GSG1L: variants seen among roughly 807,000 people sequenced by gnomAD.
GSG1L encodes the protein germ cell-specific gene 1-like protein.
In GSG1L, 24 loss-of-function variants were observed where a neutral mutation model predicts 42.1. That is an observed-to-expected ratio of 0.57 (90% confidence interval 0.41 to 0.80). The LOEUF (loss-of-function observed/expected upper bound fraction) is 0.80. Ranked by LOEUF, GSG1L falls within the 30% of genes least tolerant of loss-of-function variation. GSG1L has a pLI of 0.00. For missense variants in GSG1L, 445 were observed against 472.2 expected, an observed-to-expected ratio of 0.94 and a Z score of 0.53; for synonymous variants, 215 against 203.5, an observed-to-expected ratio of 1.06 and a Z score of -0.48.
intron 6 of GSG1L, among the ~76,000 whole-genome samples, chr16:27,791,824 C>G (rs535197419): frequency 1.3e-5 from 2 of 152,064 alleles, no homozygotes; most frequent in African/African-American, 2.4e-5. Context: ...AACAGGTGCA[C>G]CACTCCCCCA....
At chr16:27,858,152 T>A (rs1442787023) in intron 3 of GSG1L, among the ~76,000 whole-genome samples, 1 of 152,192 alleles carries the variant, frequency 6.6e-6, no homozygotes, top group Non-Finnish European at 1.5e-5. Context: ...TGGGACTCCA[T>A]CCAATTAGTT....
intron 3 of GSG1L, among the ~76,000 whole-genome samples, chr16:27,872,685 A>C (rs2083837190): frequency 6.6e-6 from 1 of 152,144 alleles, no homozygotes; most frequent in Admixed American, 6.5e-5. Context: ...ATGGTGACAA[A>C]AGTGCCCTCT....
intron 1 of GSG1L, among the ~76,000 whole-genome samples, chr16:28,036,836 C>T (rs990666031): frequency 2.0e-5 from 3 of 152,126 alleles, no homozygotes; most frequent in African/African-American, 7.2e-5. Flanking sequence ...AACACAGCTC[C>T]CAGATGTCCC....
At chr16:27,916,686 C>T (rs558071636) in intron 2 of GSG1L, among the ~76,000 whole-genome samples, 5 of 152,188 alleles carry the variant, frequency 3.3e-5, no homozygotes, top group Non-Finnish European at 5.9e-5. Context: ...CCATCTCAGG[C>T]TCTGTTCCCA....
At position 28,025,849 on chromosome 16, in the gene GSG1L, C is replaced by T. The variant is rs1359409703; in HGVS notation, c.349+37227G>A. 5.3e-5 allele frequency among the ~76,000 whole-genome samples: 8 copies of T among 152,312 alleles called. No homozygotes were observed. In the East Asian group the frequency reaches 1.5e-3, roughly 29 times the overall value. Reference sequence around the variant, plus strand: ...ATCCTGATGGCCCCAGGGACTGCAACAGAAGTGAAATGTGACCCAGAGCCC... The same window carrying T: ...ATCCTGATGGCCCCAGGGACTGCAATAGAAGTGAAATGTGACCCAGAGCCC... On this transcript the variant is annotated intron_variant, in intron 1 of 6. Transcript: ENST00000447459.
At chr16:28,021,042 A>C (rs777525273) in intron 1 of GSG1L, among the ~76,000 whole-genome samples, 13 of 152,182 alleles carry the variant, frequency 8.5e-5, no homozygotes, top group South Asian at 4.1e-4. Context: ...AAGCCACTAC[A>C]TTTGGGGATG....
At chr16:27,999,577 C>A (rs1194680947) in intron 1 of GSG1L, among the ~76,000 whole-genome samples, 2 of 152,194 alleles carry the variant, frequency 1.3e-5, no homozygotes, top group Non-Finnish European at 2.9e-5. Flanking sequence ...AATACTCATA[C>A]CTAATATTTA....
chr16:28,012,440 C>T (rs205371), intron 1 of GSG1L, among the ~76,000 whole-genome samples: 108,280 of 152,004 alleles, frequency 0.71, 41,315 homozygotes, highest in Non-Finnish European at 0.84. Flanking sequence ...GAACCGGTGA[C>T]AATATTGATT....
chr16:27,796,358 A>T (rs1425060777), intron 6 of GSG1L, among the ~76,000 whole-genome samples: 1 of 104,980 alleles, frequency 9.5e-6, no homozygotes, highest in Non-Finnish European at 2.0e-5. Context: ...GAAACCTGTC[A>T]GCTAGTGACA....
In GSG1L at chr16:27,928,537, C is replaced by G. The variant is rs568587094; in HGVS notation, c.397+34619G>C. On this transcript the variant is annotated intron_variant, in intron 2 of 6. Coordinates refer to ENST00000447459, the MANE Select transcript of GSG1L (RefSeq NM_001109763.2). ...GAAAAGAAAACAAAACAAAACAAAA[C>G]AAAACAAAAAAGCCCAGGCTCAGTC... 2.6e-4 allele frequency among the ~76,000 whole-genome samples: 40 copies of G among 151,320 alleles called. 1 individual carries two copies. The highest frequency in any genetic ancestry group is 3.4e-3 in the Middle Eastern group (1 of 294).
intron 5 of GSG1L, among the ~76,000 whole-genome samples, chr16:27,823,566 C>G (rs1032029123): frequency 6.6e-6 from 1 of 152,066 alleles, no homozygotes; most frequent in Admixed American, 6.5e-5. Context: ...AGGAAAGACT[C>G]GGATGAAATG....
At chr16:27,995,135 G>A (rs1448635982) in intron 1 of GSG1L, among the ~76,000 whole-genome samples, 1 of 152,174 alleles carries the variant, frequency 6.6e-6, no homozygotes, top group East Asian at 1.9e-4. Flanking sequence ...CGAGAAGAAT[G>A]GGAGAAACAG....
chr16:27,927,665 C>G (rs1330543498), intron 2 of GSG1L, among the ~76,000 whole-genome samples: 1 of 152,202 alleles, frequency 6.6e-6, no homozygotes, highest in African/African-American at 2.4e-5. Flanking sequence ...TTGGCTCCCA[C>G]CCATCCTCAG....
At chr16:27,963,129 C>T in intron 2 of GSG1L, 27 bp downstream of exon 2, 2 of 1,603,368 alleles carry the variant, frequency 1.2e-6, no homozygotes, top group Non-Finnish European at 1.7e-6. Flanking sequence ...AGCAGAGCTG[C>T]CACAGCTCAG....
chr16:28,051,307 C>T (rs1372251545), intron 1 of GSG1L, among the ~76,000 whole-genome samples: 2 of 152,150 alleles, frequency 1.3e-5, no homozygotes, highest in Non-Finnish European at 2.9e-5. Flanking sequence ...GAAAGCAGGG[C>T]TCCAGGTTCT....
At chr16:27,999,123 G>T (rs2085552159) in intron 1 of GSG1L, among the ~76,000 whole-genome samples, 1 of 152,182 alleles carries the variant, frequency 6.6e-6, no homozygotes, top group Non-Finnish European at 1.5e-5. Flanking sequence ...ACAATGCCTG[G>T]AGCATAATAG....
rs575477732 is a variant in GSG1L at position 28,008,278 on chromosome 16, C to T, written c.350-45075G>A. ...TATTTTTGGTAGAGACAGGGTTTCA[C>T]CATGTTGGCCAGGCTGGTCTCGAAT... On this transcript the variant is annotated intron_variant, in intron 1 of 6. Transcript: ENST00000447459. 2.0e-5 allele frequency among the ~76,000 whole-genome samples: 3 copies of T among 152,286 alleles called. No individual in the cohort carries two copies. The South Asian group carries it at 6.2e-4, about 32-fold the overall frequency.
At chr16:28,030,188 C>T (rs543132048) in intron 1 of GSG1L, among the ~76,000 whole-genome samples, 15 of 152,184 alleles carry the variant, frequency 9.9e-5, no homozygotes, top group Non-Finnish European at 1.3e-4. Context: ...GATTCTCCTT[C>T]GGGGAACCAG....
At chr16:27,972,550 A>G (rs773824443) in intron 1 of GSG1L, among the ~76,000 whole-genome samples, 4 of 152,222 alleles carry the variant, frequency 2.6e-5, no homozygotes, top group Non-Finnish European at 4.4e-5. Flanking sequence ...ATTAAACCTT[A>G]AGACAGGTGC....
Sources: allele counts gnomAD v4.1 joint callset (sites outside exome capture counted in the v4.1 genomes callset), GRCh38; gene constraint gnomAD v4.1.1; transcripts MANE v1.5; gene names NCBI Gene and HGNC (gene_info 2026-07-23, HGNC 2026-07-21).